The following GLS variants were observed in gnomAD, a reference collection of about 807,000 sequenced individuals.
GLS encodes the protein glutaminase.
Under a neutral mutation model 86.7 loss-of-function variants are expected in GLS, and 36 were observed. The observed-to-expected ratio is 0.42, with a 90% CI of 0.32 to 0.55. The LOEUF (loss-of-function observed/expected upper bound fraction) is 0.55, where lower values mean the gene tolerates loss of function less well. Ranked by LOEUF, GLS falls within the 20% of genes least tolerant of loss-of-function variation. The pLI, the probability that GLS is intolerant of heterozygous loss-of-function variation, is 0.17. For synonymous variants in GLS, 317 were observed against 305.9 expected (o/e 1.04, Z -0.38); for missense variants, 528 against 833.4 (o/e 0.63, Z 4.51).
chr2:190,943,966 G>A lies in GLS; in HGVS notation c.1651-9599G>A, dbSNP rs187074357. Among the ~76,000 whole-genome samples the A allele has an allele frequency of 3.1e-4, 47 of 152,244 alleles. No individual in the cohort carries two copies. The highest frequency in any genetic ancestry group is 2.6e-3 in the Admixed American group (39 of 15,290). ...GTTGGAATAACTATAGAAAACTCAA[G>A]TCCATGTGCCTGGCTTTGTTATAGT... On this transcript the variant is annotated intron_variant, in intron 14 of 17. Transcript: ENST00000320717. The surrounding 1 kb of genome is among the most constrained non-coding windows in gnomAD (Gnocchi z 4.5).
intron 3 of GLS, among the ~76,000 whole-genome samples, chr2:190,899,359 A>G (rs987883858): frequency 2.0e-5 from 3 of 152,086 alleles, no homozygotes; most frequent in Non-Finnish European, 2.9e-5. Context: ...TATGACTGAA[A>G]CAATAGTCAT....
chr2:190,923,397 A>G (rs1433316009), intron 9 of GLS, among the ~76,000 whole-genome samples: 1 of 152,150 alleles, frequency 6.6e-6, no homozygotes, highest in Non-Finnish European at 1.5e-5. Context: ...CCCTGTCTAT[A>G]TACTTTTCTA....
Position 190,905,202 on chromosome 2 carries a change from A to G in GLS, c.979+35A>G, listed in dbSNP as rs1316847106. 7.7e-7 allele frequency: 1 copy of G among 1,290,470 alleles called. No homozygotes were observed. Among genetic ancestry groups the G allele is most frequent in the East Asian group, 2.3e-5 (1 of 42,590 alleles). 79.9% of individuals were successfully genotyped at this position (1,290,470 alleles called of 1,614,324 possible). ...ACATAAACATTGGTTGAAAAAAGAA[A>G]TGTCTCATTTTCCTATGTAAATCTA... is the stretch of plus-strand genomic sequence containing the variant. On this transcript the variant is annotated intron_variant, in intron 6 of 17. Transcript: ENST00000320717. The surrounding 1 kb of genome is among the most constrained non-coding windows in gnomAD (Gnocchi z 4.6).
At chr2:190,899,978 T>G (rs1688881567) in intron 3 of GLS, among the ~76,000 whole-genome samples, 1 of 152,130 alleles carries the variant, frequency 6.6e-6, no homozygotes, top group Admixed American at 6.5e-5. Flanking sequence ...ATTATTACAC[T>G]ACTTCATATG....
chr2:190,931,735 T>G (rs879696363), intron 14 of GLS, 98 bp downstream of exon 14: 5 of 580,348 alleles, frequency 8.6e-6, no homozygotes, highest in Non-Finnish European at 1.5e-5. Context: ...GTTAGTGGCC[T>G]CGGGTCTTTG....
At chr2:190,928,537 G>T (rs1689977910) in intron 12 of GLS, among the ~76,000 whole-genome samples, 1 of 151,648 alleles carries the variant, frequency 6.6e-6, no homozygotes. Flanking sequence ...GTTTTGCCAT[G>T]TTGGCCAGGC....
intron 1 of GLS, among the ~76,000 whole-genome samples, chr2:190,891,490 G>C (rs1258215900): frequency 6.6e-6 from 1 of 151,906 alleles, no homozygotes; most frequent in African/African-American, 2.4e-5. Flanking sequence ...AGATGAGATA[G>C]CACTTATTTA....
At chr2:190,925,241 G>T (rs1689861973) in intron 11 of GLS, among the ~76,000 whole-genome samples, 1 of 151,890 alleles carries the variant, frequency 6.6e-6, no homozygotes, top group Admixed American at 6.6e-5. Flanking sequence ...TTTTAAATCA[G>T]AGGGCTCTTA....
chr2:190,911,313 CT>C (rs1689351073), intron 7 of GLS, among the ~76,000 whole-genome samples: 1 of 151,958 alleles, frequency 6.6e-6, no homozygotes, highest in Non-Finnish European at 1.5e-5. Flanking sequence ...CCTTTCTTAA[CT>C]TTTAAGAGTT....
chr2:190,908,769 G>A (rs1689249950), intron 6 of GLS, among the ~76,000 whole-genome samples: 1 of 152,206 alleles, frequency 6.6e-6, no homozygotes, highest in South Asian at 2.1e-4. Flanking sequence ...CAGATGTCTG[G>A]CTTTTGAGCC....
At chr2:190,891,504 G>A in intron 1 of GLS, among the ~76,000 whole-genome samples, 1 of 151,966 alleles carries the variant, frequency 6.6e-6, no homozygotes, top group East Asian at 1.9e-4. Context: ...TTATTTACAG[G>A]TCATTGAGTC....
chr2:190,925,172 A>T (rs1314764239), intron 11 of GLS, among the ~76,000 whole-genome samples: 1 of 152,212 alleles, frequency 6.6e-6, no homozygotes, highest in Admixed American at 6.5e-5. Context: ...ACTGGGCTCT[A>T]AATTTTTCGT....
chr2:190,963,113 TTTC>T lies in GLS; in HGVS notation c.*131_*133del, dbSNP rs1220152193. 1 of 682,296 alleles carries T rather than the reference TTTC, an allele frequency of 1.5e-6. No homozygotes were observed. Among genetic ancestry groups the T allele is most frequent in the East Asian group, 2.9e-5 (1 of 34,224 alleles). The allele number at this position is 682,296 out of a possible 1,614,324, so 42.3% of individuals were successfully genotyped here. A position where few individuals can be genotyped will look rare whatever the true frequency, so the allele number is the denominator to read the frequency against. ...TTTGTCATTTCAGTGTTACTGGAGT[TTTC>T]TTCATTGTGCACACAGGACAAATCT... On this transcript the variant is annotated 3_prime_UTR_variant, in exon 18 of 18. Transcript: ENST00000320717.
chr2:190,924,481 T>A lies in GLS; in HGVS notation c.1198-62T>A. The A allele has an allele frequency of 1.2e-6, 1 of 840,792 alleles. No homozygotes were observed. Among genetic ancestry groups the A allele is most frequent in the Non-Finnish European group, 2.1e-6 (1 of 479,602 alleles). 52.1% of individuals were successfully genotyped at this position (840,792 alleles called of 1,614,324 possible). On this transcript the variant is annotated intron_variant, in intron 10 of 17. Transcript: ENST00000320717. This position sits in a 1 kb window ranked among gnomAD's most constrained non-coding sequence, Gnocchi z 5.2. ...GTGTACATTTGAAATTTTTCATATA[T>A]TTCTCTACTTATGTGCATTCCTGTG...
At chr2:190,927,637 A>C in intron 12 of GLS, 155 bp downstream of exon 12, 1 of 580,902 alleles carries the variant, frequency 1.7e-6, no homozygotes, top group East Asian at 3.1e-5. Flanking sequence ...TTAGTAAGGA[A>C]TAGAGATAAG....
intron 1 of GLS, among the ~76,000 whole-genome samples, chr2:190,884,060 A>C (rs908490132): frequency 2.5e-4 from 38 of 152,120 alleles, no homozygotes; most frequent in African/African-American, 8.2e-4. Flanking sequence ...TAGTGATCTT[A>C]TTTAATTTTG....
intron 14 of GLS, among the ~76,000 whole-genome samples, chr2:190,939,618 A>C (rs1000229236): frequency 6.6e-6 from 1 of 151,748 alleles, no homozygotes; most frequent in Non-Finnish European, 1.5e-5. Flanking sequence ...CTAGATGAGA[A>C]TTATAAATTT....
intron 1 of GLS, among the ~76,000 whole-genome samples, chr2:190,885,979 T>G (rs1043176595): frequency 9.9e-5 from 15 of 152,060 alleles, no homozygotes; most frequent in Admixed American, 6.5e-4. Flanking sequence ...TTCAAGTCGT[T>G]CTCCTGCCTC....
Position 190,935,079 on chromosome 2 carries a change from TC to T in GLS, c.1650+3443del. 5 of 947,016 alleles carry T rather than the reference TC, an allele frequency of 5.3e-6. No individual in the cohort carries two copies. Among genetic ancestry groups the T allele is most frequent in the Non-Finnish European group, 6.3e-6 (5 of 795,322 alleles). The allele number at this position is 947,016 out of a possible 1,614,324, so 58.7% of individuals were successfully genotyped here. ...AGCATATTTGATTTTCTTTTTTCTT[TC>T]TTTTTTTGGCATCATTAACATTTCA... On this transcript the variant is annotated intron_variant, in intron 14 of 17. Transcript: ENST00000320717. This position sits in a 1 kb window ranked among gnomAD's most constrained non-coding sequence, Gnocchi z 4.2.
Sources: allele counts gnomAD v4.1 joint callset (sites outside exome capture counted in the v4.1 genomes callset), GRCh38; gene constraint gnomAD v4.1.1; non-coding constraint Gnocchi (gnomAD v3.1); transcripts MANE v1.5; gene names NCBI Gene and HGNC (gene_info 2026-07-23, HGNC 2026-07-21).